Variants in INPP5A observed in about 807,000 individuals in gnomAD.
The protein encoded by INPP5A is 43 kDa inositol polyphosphate 5-phophatase.
A neutral mutation model predicts 65.2 loss-of-function variants in INPP5A; 14 were observed. The ratio of observed to expected loss-of-function variants is 0.21; its 90% confidence interval spans 0.14 to 0.34. INPP5A has a LOEUF of 0.34. INPP5A is among the 10% of genes least tolerant of loss of function. The pLI, the probability that INPP5A is intolerant of heterozygous loss-of-function variation, is 1.00. For missense variants in INPP5A, 431 were observed against 545.6 expected (o/e 0.79, Z 2.09); for synonymous variants, 207 against 208.3 (o/e 0.99, Z 0.05).
At chr10:132,559,256 G>A (rs1423478896) in intron 1 of INPP5A, among the ~76,000 whole-genome samples, 1 of 152,226 alleles carries the variant, frequency 6.6e-6, no homozygotes, top group Non-Finnish European at 1.5e-5. Context: ...CGGCCCTGCT[G>A]AGTGAAGCGC....
At chr10:132,672,062 A>T (rs774199922) in intron 4 of INPP5A, among the ~76,000 whole-genome samples, 1 of 152,244 alleles carries the variant, frequency 6.6e-6, no homozygotes, top group Non-Finnish European at 1.5e-5. Context: ...AAAATTCAGT[A>T]GTTCCTTTCC....
intron 1 of INPP5A, among the ~76,000 whole-genome samples, chr10:132,581,740 C>T (rs563951586): frequency 1.3e-5 from 2 of 152,114 alleles, no homozygotes; most frequent in African/African-American, 2.4e-5. Flanking sequence ...TGTTTGTTTT[C>T]GTTAGGGAGT....
chr10:132,541,619 A>G (rs571222764), intron 1 of INPP5A, among the ~76,000 whole-genome samples: 1 of 152,338 alleles, frequency 6.6e-6, no homozygotes, highest in African/African-American at 2.4e-5. Context: ...GCATGAGAAT[A>G]CATAGCTCAC....
chr10:132,681,767 C>T (rs1356550128), intron 4 of INPP5A, among the ~76,000 whole-genome samples: 9 of 152,230 alleles, frequency 5.9e-5, no homozygotes, highest in African/African-American at 1.2e-4. Flanking sequence ...TGAGAGCAGT[C>T]TCCAGCAGAT....
chr10:132,759,183 C>T (rs1336822322), intron 11 of INPP5A, among the ~76,000 whole-genome samples: 3 of 152,208 alleles, frequency 2.0e-5, no homozygotes, highest in African/African-American at 7.2e-5. Flanking sequence ...ACGCTCAGAG[C>T]CCCCAGGGAC....
intron 2 of INPP5A, among the ~76,000 whole-genome samples, chr10:132,615,677 A>G (rs894185638): frequency 6.6e-6 from 1 of 152,164 alleles, no homozygotes; most frequent in Admixed American, 6.5e-5. Context: ...TGGGGTAGGA[A>G]CTGGCCCTGC....
chr10:132,572,254 A>G (rs1175416641), intron 1 of INPP5A, among the ~76,000 whole-genome samples: 1 of 152,184 alleles, frequency 6.6e-6, no homozygotes, highest in East Asian at 1.9e-4. Flanking sequence ...GGCCTTCAGA[A>G]GAATGTCGGA....
intron 8 of INPP5A, among the ~76,000 whole-genome samples, chr10:132,722,548 T>C (rs1234037787): frequency 6.6e-6 from 1 of 152,194 alleles, no homozygotes; most frequent in Non-Finnish European, 1.5e-5. Flanking sequence ...ACTGCTGTGT[T>C]AGGGAAGCGC....
chr10:132,640,720 A>T (rs2133384641), intron 2 of INPP5A, among the ~76,000 whole-genome samples: 1 of 152,334 alleles, frequency 6.6e-6, no homozygotes, highest in South Asian at 2.1e-4. Flanking sequence ...CCCTGCTGAT[A>T]TGCCCTTGTA....
intron 2 of INPP5A, among the ~76,000 whole-genome samples, chr10:132,638,454 A>C (rs1322203556): frequency 6.6e-6 from 1 of 152,174 alleles, no homozygotes; most frequent in Non-Finnish European, 1.5e-5. Flanking sequence ...GTGCTTCACA[A>C]AGCCTCACAC....
At chr10:132,716,549 T>G (rs2134548053) in intron 8 of INPP5A, among the ~76,000 whole-genome samples, 1 of 152,220 alleles carries the variant, frequency 6.6e-6, no homozygotes, top group Non-Finnish European at 1.5e-5. Context: ...TCCCGGCCCT[T>G]TGGTGGCAGA....
rs1475736074 is a variant in INPP5A, at chr10:132,537,920, C to G, written c.-177C>G. On this transcript the variant is annotated 5_prime_UTR_variant, in exon 1 of 16. Transcript: ENST00000368594. ...GCGGAGCAGCGAGCGAGCGAGCGAG[C>G]GCGAGGCCGGAGCCCCGGCCAGGCC... is the stretch of plus-strand genomic sequence containing the variant. 1 of 202,108 alleles carries G rather than the reference C, an allele frequency of 4.9e-6. No individual in the cohort carries two copies. The highest frequency in any genetic ancestry group is 9.8e-5 in the East Asian group (1 of 10,226). The allele number at this position is 202,108 out of a possible 1,614,324, so 12.5% of individuals were successfully genotyped here. A position where few individuals can be genotyped will look rare whatever the true frequency, so the allele number is the denominator to read the frequency against.
chr10:132,696,820 C>T (rs1298919172), intron 5 of INPP5A, among the ~76,000 whole-genome samples: 3 of 152,032 alleles, frequency 2.0e-5, no homozygotes, highest in African/African-American at 7.2e-5. Flanking sequence ...CCACAGCACC[C>T]AGGGCCGGGC....
intron 1 of INPP5A, among the ~76,000 whole-genome samples, chr10:132,578,363 C>A (rs2071434833): frequency 6.6e-6 from 1 of 152,204 alleles, no homozygotes; most frequent in Non-Finnish European, 1.5e-5. Flanking sequence ...CTGGTTCTCT[C>A]CACTGGGTGC....
At chr10:132,643,336 G>A (rs2072450705) in intron 2 of INPP5A, among the ~76,000 whole-genome samples, 1 of 152,016 alleles carries the variant, frequency 6.6e-6, no homozygotes, top group African/African-American at 2.4e-5. Flanking sequence ...GAAAAGTCAC[G>A]GGCCTGAAGG....
At chr10:132,572,906 G>A (rs889385352) in intron 1 of INPP5A, among the ~76,000 whole-genome samples, 1 of 152,190 alleles carries the variant, frequency 6.6e-6, no homozygotes. Flanking sequence ...CATCAGCTCG[G>A]TTTATTTCAT....
Position 132,547,071 on chromosome 10 carries a change from C to A in INPP5A, c.75+8900C>A, listed in dbSNP as rs1360201503. On this transcript the variant is annotated intron_variant, in intron 1 of 15. Transcript: ENST00000368594. This position sits in a 1 kb window ranked among gnomAD's most constrained non-coding sequence, Gnocchi z 5.5. The stretch of plus-strand genomic sequence containing the variant: ...CGAGACTTGGCTTTGGCCCAAGTCC[C>A]TGTGGAGAGGAAATCCCGCCTTCAG... Among the ~76,000 whole-genome samples the A allele has an allele frequency of 6.6e-6, 1 of 152,246 alleles. No individual in the cohort carries two copies. The highest frequency in any genetic ancestry group is 1.5e-5 in the Non-Finnish European group (1 of 68,042).
At chr10:132,703,717 ACACT>A (rs1228919564) in intron 6 of INPP5A, among the ~76,000 whole-genome samples, 1 of 54,230 alleles carries the variant, frequency 1.8e-5, no homozygotes, top group Non-Finnish European at 3.2e-5. Context: ...CCCCCCCCAC[ACACT>A]CACGGCTTCA....
chr10:132,706,318 G>T lies in INPP5A; in HGVS notation c.475-1995G>T, dbSNP rs920809506. Among the ~76,000 whole-genome samples the T allele has an allele frequency of 2.0e-5, 3 of 152,252 alleles. No homozygotes were observed. The highest frequency in any genetic ancestry group is 7.2e-5 in the African/African-American group (3 of 41,464). On this transcript the variant is annotated intron_variant, in intron 6 of 15. Coordinates refer to ENST00000368594, the MANE Select transcript of INPP5A (RefSeq NM_005539.5). This position sits in a 1 kb window ranked among gnomAD's most constrained non-coding sequence, Gnocchi z 4.7. ...TCAAAATAAATTCCAGAAAGAAGCA[G>T]TGGAGCAGTGTTGGAAGTGATAAGG...
Sources: allele counts gnomAD v4.1 joint callset (sites outside exome capture counted in the v4.1 genomes callset), GRCh38; gene constraint gnomAD v4.1.1; non-coding constraint Gnocchi (gnomAD v3.1); transcripts MANE v1.5; gene names NCBI Gene and HGNC (gene_info 2026-07-23, HGNC 2026-07-21).